KCNH5: variants seen among roughly 807,000 people sequenced by gnomAD.
KCNH5 encodes voltage-gated delayed rectifier potassium channel KCNH5.
Under a neutral mutation model 96.1 loss-of-function variants are expected in KCNH5, and 46 were observed. The observed-to-expected ratio is 0.48, with a 90% CI of 0.38 to 0.61. The LOEUF (loss-of-function observed/expected upper bound fraction) is 0.61, where lower values mean the gene tolerates loss of function less well. Among genes scored for constraint, KCNH5 ranks in the 20% least tolerant of loss-of-function variants. The pLI, the probability that KCNH5 is intolerant of heterozygous loss-of-function variation, is 0.00. For synonymous variants in KCNH5, 439 were observed against 449.8 expected, an observed-to-expected ratio of 0.98 and a Z score of 0.30; for missense variants, 907 against 1,225.8, an observed-to-expected ratio of 0.74 and a Z score of 3.88.
intron 3 of KCNH5, among the ~76,000 whole-genome samples, chr14:63,003,794 G>A (rs568103210): frequency 2.0e-5 from 3 of 149,980 alleles, no homozygotes; most frequent in South Asian, 2.1e-4. Flanking sequence ...CTAATTTTTT[G>A]TATTTTTAGT....
intron 7 of KCNH5, among the ~76,000 whole-genome samples, chr14:62,884,496 T>G (rs1301047487): frequency 6.6e-6 from 1 of 152,078 alleles, no homozygotes; most frequent in Non-Finnish European, 1.5e-5. Context: ...TGTGGCAGTA[T>G]GCGCCTGTCA....
rs8012414 is a variant in KCNH5 at position 62,701,179 on chromosome 14, C to A, written c.*6329G>T. On this transcript the variant is annotated 3_prime_UTR_variant, in exon 11 of 11. Coordinates refer to ENST00000322893, the MANE Select transcript of KCNH5 (RefSeq NM_139318.5). ...AGGGGATTGGGTTTGTAGGTCAGAA[C>A]CAGAGGTTCTAAACTCATTGGTTGG... The A allele has an allele frequency of 6.6e-6, 1 of 152,062 alleles. No homozygotes were observed. The highest frequency in any genetic ancestry group is 1.5e-5 in the Non-Finnish European group (1 of 67,994). The allele number at this position is 152,062 out of a possible 1,614,324, so 9.4% of individuals were successfully genotyped here.
intron 7 of KCNH5, among the ~76,000 whole-genome samples, chr14:62,876,559 C>T (rs190962879): frequency 2.0e-3 from 298 of 152,174 alleles, no homozygotes; most frequent in Admixed American, 3.8e-3. Context: ...ACACTACCAA[C>T]AAATAGTTGA....
At chr14:62,834,010 A>G (rs1303568986) in intron 8 of KCNH5, among the ~76,000 whole-genome samples, 1 of 152,020 alleles carries the variant, frequency 6.6e-6, no homozygotes, top group Non-Finnish European at 1.5e-5. Flanking sequence ...ATCCACCAGT[A>G]ATCTCCATGT....
intron 10 of KCNH5, among the ~76,000 whole-genome samples, chr14:62,759,743 T>G (rs1885707556): frequency 6.6e-6 from 1 of 152,092 alleles, no homozygotes; most frequent in African/African-American, 2.4e-5. Context: ...AAGAGCCCTT[T>G]AAGGGAGCAA....
chr14:62,839,502 A>T (rs898266914), intron 8 of KCNH5, among the ~76,000 whole-genome samples: 3 of 152,196 alleles, frequency 2.0e-5, no homozygotes, highest in Admixed American at 2.0e-4. Context: ...TAATGCCCTC[A>T]AAGGCAGCAG....
intron 10 of KCNH5, among the ~76,000 whole-genome samples, chr14:62,708,758 G>A (rs902984128): frequency 6.6e-6 from 1 of 151,986 alleles, no homozygotes; most frequent in African/African-American, 2.4e-5. Context: ...TTTGCTTCTA[G>A]TTTATGTTCC....
intron 2 of KCNH5, among the ~76,000 whole-genome samples, chr14:63,011,781 C>T (rs994658426): frequency 4.6e-5 from 7 of 152,132 alleles, no homozygotes; most frequent in Admixed American, 3.3e-4. Flanking sequence ...CAAATGGAGC[C>T]GGACTGACTG....
chr14:62,863,506 T>C (rs4902191), intron 7 of KCNH5, among the ~76,000 whole-genome samples: 1 of 152,082 alleles, frequency 6.6e-6, no homozygotes, highest in Admixed American at 6.6e-5. Context: ...AACCTGGCAG[T>C]TTATGAAAAA....
chr14:62,818,334 CTT>C (rs1887042808), intron 8 of KCNH5, among the ~76,000 whole-genome samples: 1 of 151,968 alleles, frequency 6.6e-6, no homozygotes, highest in African/African-American at 2.4e-5. Flanking sequence ...ACATTGCACA[CTT>C]TGAATACATA....
At chr14:62,829,410 T>A (rs931015556) in intron 8 of KCNH5, among the ~76,000 whole-genome samples, 1 of 152,340 alleles carries the variant, frequency 6.6e-6, no homozygotes, top group Non-Finnish European at 1.5e-5. Flanking sequence ...GGCTTCTGCC[T>A]AGACATCCAG....
chr14:62,924,800 G>A (rs996608334), intron 7 of KCNH5, among the ~76,000 whole-genome samples: 1 of 151,854 alleles, frequency 6.6e-6, no homozygotes, highest in Admixed American at 6.6e-5. Flanking sequence ...TAGTTACCAG[G>A]TACTTAGAAG....
At chr14:62,894,921 G>C (rs990185133) in intron 7 of KCNH5, among the ~76,000 whole-genome samples, 2 of 152,074 alleles carry the variant, frequency 1.3e-5, no homozygotes, top group African/African-American at 4.8e-5. Context: ...TTCTACAGCT[G>C]GGAATCTATA....
At chr14:62,785,007 C>T (rs1020623764) in intron 9 of KCNH5, among the ~76,000 whole-genome samples, 9 of 152,134 alleles carry the variant, frequency 5.9e-5, no homozygotes, top group African/African-American at 2.2e-4. Context: ...CCCCCAACAT[C>T]AGAATTCACT....
chr14:62,814,086 G>A (rs1886925026), intron 8 of KCNH5, among the ~76,000 whole-genome samples: 3 of 152,096 alleles, frequency 2.0e-5, no homozygotes, highest in African/African-American at 4.8e-5. Context: ...AAAGGCTGCC[G>A]CAACCAGTGA....
chr14:62,710,146 G>A (rs1473353130), intron 10 of KCNH5, among the ~76,000 whole-genome samples: 1 of 152,124 alleles, frequency 6.6e-6, no homozygotes, highest in Non-Finnish European at 1.5e-5. Flanking sequence ...TACTACTGAT[G>A]GTCACCGTTA....
intron 10 of KCNH5, among the ~76,000 whole-genome samples, chr14:62,759,563 C>T (rs189758253): frequency 0.019 from 1,176 of 63,052 alleles, 10 homozygotes; most frequent in South Asian, 0.062. Context: ...ACCCTCCAGG[C>T]GTAGGGTATA....
intron 7 of KCNH5, among the ~76,000 whole-genome samples, chr14:62,852,695 A>G (rs1887831501): frequency 6.6e-6 from 1 of 152,090 alleles, no homozygotes; most frequent in Admixed American, 6.6e-5. Context: ...TGTCATTTAC[A>G]TATATTTTTA....
rs1884337303 is a variant in KCNH5 at position 62,700,874 on chromosome 14, C to T, written c.*6634G>A. 2 of 152,062 alleles carry T rather than the reference C, an allele frequency of 1.3e-5. No individual in the cohort carries two copies. The highest frequency in any genetic ancestry group is 4.1e-4 in the South Asian group (2 of 4,828). 9.4% of individuals were successfully genotyped at this position (152,062 alleles called of 1,614,324 possible). A position where few individuals can be genotyped will look rare whatever the true frequency, so the allele number is the denominator to read the frequency against. On this transcript the variant is annotated 3_prime_UTR_variant, in exon 11 of 11. Transcript: ENST00000322893. Reference sequence around the variant, plus strand: ...TCTTTATGTTGCTTTTTGCCAAAGTCCAATTTCTCTAACTCAATGGAGAGT... The same window carrying T: ...TCTTTATGTTGCTTTTTGCCAAAGTTCAATTTCTCTAACTCAATGGAGAGT...
Sources: gnomAD v4.1 joint callset for allele counts (sites outside exome capture counted in the v4.1 genomes callset) on GRCh38, gnomAD v4.1.1 for gene constraint, MANE v1.5 for transcripts, NCBI Gene and HGNC (gene_info 2026-07-23, HGNC 2026-07-21) for gene names.